The following RET variants were observed in gnomAD, a reference collection of about 807,000 sequenced individuals.
RET encodes the protein proto-oncogene tyrosine-protein kinase receptor Ret.
Under a neutral mutation model 118.3 loss-of-function variants are expected in RET, and 19 were observed. That is an observed-to-expected ratio of 0.16 (90% CI 0.11 to 0.24). The LOEUF (loss-of-function observed/expected upper bound fraction) is 0.24, where lower values mean the gene tolerates loss of function less well. Ranked by LOEUF, RET falls within the 10% of genes least tolerant of loss-of-function variation. The pLI is 1.00. For synonymous variants in RET, 597 were observed against 644.1 expected, an observed-to-expected ratio of 0.93 and a Z score of 1.11; for missense variants, 1,219 against 1,502.1, an observed-to-expected ratio of 0.81 and a Z score of 3.12.
chr10:43,108,717 T>TA (rs1357451893), intron 5 of RET, among the ~76,000 whole-genome samples: 3 of 152,074 alleles, frequency 2.0e-5, no homozygotes, highest in Non-Finnish European at 4.4e-5. Context: ...ACTACACACT[T>TA]ACACATACCA....
intron 5 of RET, among the ~76,000 whole-genome samples, chr10:43,108,529 C>T (rs1837836418): frequency 6.6e-6 from 1 of 152,176 alleles, no homozygotes; most frequent in African/African-American, 2.4e-5. Context: ...TCCACCCTGC[C>T]TTCCTGTCAT....
rs1306975304 is a variant in RET, at chr10:43,119,726, A to G, written c.2588A>G (p.Gln863Arg). The G allele has an allele frequency of 6.2e-7, 1 of 1,613,412 alleles. No individual in the cohort carries two copies. Among genetic ancestry groups the G allele is most frequent in the South Asian group, 1.1e-5 (1 of 91,082 alleles). Residue 863 changes from glutamine (Q) to arginine (R), a missense_variant, in exon 14 of 20, where the codon CAG becomes CGG. Gln to Arg is a conservative substitution (Grantham distance 43, BLOSUM62 1). Coordinates refer to ENST00000355710, the MANE Select transcript of RET (RefSeq NM_020975.6). Reference sequence around the variant, plus strand: ...GCCTGGCAGATCTCACAGGGGATGCAGTATCTGGCCGAGATGAAGGTGCGT... The same window carrying G: ...GCCTGGCAGATCTCACAGGGGATGCGGTATCTGGCCGAGATGAAGGTGCGT... ...SFAWQISQGM[Q>R]YLAEMKLVHR...
intron 7 of RET, 74 bp from the exon 8 acceptor site, chr10:43,112,025 C>T (rs2132793498): frequency 6.5e-7 from 1 of 1,544,392 alleles, no homozygotes. Context: ...TGGTGCTGTT[C>T]CCTGTCCTTG....
chr10:43,111,963 C>G (rs1385760423), intron 7 of RET, 136 bp from the exon 8 acceptor site: 2 of 1,270,402 alleles, frequency 1.6e-6, no homozygotes, highest in Non-Finnish European at 2.2e-6. Context: ...GTCTTTGCTG[C>G]CCTGGGTCTG....
At position 43,123,818 on chromosome 10, in the gene RET, G is replaced by A; in HGVS notation, c.2939+10G>A. 1 of 1,613,984 alleles carries A rather than the reference G, an allele frequency of 6.2e-7. No homozygotes were observed. The highest frequency in any genetic ancestry group is 1.1e-5 in the South Asian group (1 of 91,076). ...ACTGCAGCGAGGAGATGTGAGCGGG[G>A]ACTGGCTTTGGCCCAGCCTCACTTG... On this transcript the variant is annotated intron_variant, in intron 17 of 19. Coordinates refer to ENST00000355710, the MANE Select transcript of RET (RefSeq NM_020975.6).
chr10:43,092,067 C>T lies in RET; in HGVS notation c.74-8392C>T, dbSNP rs189048188. ...TTTCAGCAGCATTATTCATAGTAAC[C>T]ACAAAGAGGAAGTTACCCAAGTGTC... On this transcript the variant is annotated intron_variant, in intron 1 of 19. Transcript: ENST00000355710. Among the ~76,000 whole-genome samples the T allele has an allele frequency of 1.1e-4, 17 of 152,264 alleles. No individual in the cohort carries two copies. The South Asian group carries it at 2.7e-3, about 24-fold the overall frequency.
chr10:43,086,973 C>G (rs1369472813), intron 1 of RET, among the ~76,000 whole-genome samples: 2 of 152,242 alleles, frequency 1.3e-5, no homozygotes, highest in Non-Finnish European at 2.9e-5. Flanking sequence ...ATGCCTGGAC[C>G]CCTTCCCCAC....
chr10:43,078,286 G>A (rs1837096681), intron 1 of RET, among the ~76,000 whole-genome samples: 2 of 152,188 alleles, frequency 1.3e-5, no homozygotes, highest in South Asian at 4.1e-4. Flanking sequence ...CTCTAAGAGG[G>A]AAGGAGCCCT....
chr10:43,092,311 G>A (rs373171057), intron 1 of RET, among the ~76,000 whole-genome samples: 1 of 152,186 alleles, frequency 6.6e-6, no homozygotes, highest in Admixed American at 6.5e-5. Flanking sequence ...CAGGAACTGG[G>A]AGAGGAGAGG....
chr10:43,102,683 C>A (rs1352515531), intron 3 of RET, 54 bp downstream of exon 3: 7 of 1,604,998 alleles, frequency 4.4e-6, no homozygotes, highest in Non-Finnish European at 6.0e-6. Context: ...GCTGGTCTTG[C>A]TCTGCGAGCC....
At position 43,124,930 on chromosome 10, in the gene RET, C is replaced by T. The variant is rs1588880114; in HGVS notation, c.2987C>T (p.Pro996Leu). ...TGGAAGCAGGAGCCGGACAAAAGGC[C>T]GGTGTTTGCGGACATCAGCAAAGAC... ...QCWKQEPDKRPVFADISKDLE... is the reference protein window; with the variant it reads ...QCWKQEPDKRLVFADISKDLE... Residue 996 changes from proline to leucine, a missense_variant, in exon 18 of 20, where the codon CCG (proline) becomes CTG (leucine). Physicochemically the swap from Pro to Leu is moderately conservative, Grantham distance 98. Coordinates refer to ENST00000355710, the MANE Select transcript of RET (RefSeq NM_020975.6). 6.2e-7 allele frequency: 1 copy of T among 1,614,178 alleles called. No individual in the cohort carries two copies.
chr10:43,084,694 A>T (rs1837253340), intron 1 of RET, among the ~76,000 whole-genome samples: 1 of 152,154 alleles, frequency 6.6e-6, no homozygotes, highest in Admixed American at 6.5e-5. Context: ...CTGATTCCTC[A>T]CATGGGCATT....
intron 9 of RET, among the ~76,000 whole-genome samples, chr10:43,113,208 T>A (rs907199445): frequency 6.6e-6 from 1 of 152,026 alleles, no homozygotes; most frequent in African/African-American, 2.4e-5. Flanking sequence ...ACACACAGAT[T>A]TCAGAAGCAG....
intron 6 of RET, among the ~76,000 whole-genome samples, chr10:43,110,847 G>A (rs966859920): frequency 4.6e-5 from 7 of 152,278 alleles, no homozygotes; most frequent in Middle Eastern, 3.4e-3. Flanking sequence ...GAGACATTCC[G>A]GCGGCTTTGT....
chr10:43,116,709 G>A lies in RET; in HGVS notation c.2262G>A (p.Thr754=), dbSNP rs779080598. ...TGAAAGGCAGAGCAGGGTACACCAC[G>A]GTGGCCGTGAAGATGCTGAAAGGTA... ...FHLKGRAGYT[T]VAVKMLKENA... Residue 754 remains threonine, a synonymous_variant, in exon 12 of 20, where the codon ACG becomes ACA. Transcript: ENST00000355710. 1.2e-5 allele frequency: 20 copies of A among 1,613,492 alleles called. No individual in the cohort carries two copies. Among genetic ancestry groups the A allele is most frequent in the East Asian group, 1.1e-4 (5 of 44,860 alleles).
chr10:43,121,129 G>A (rs1838208764), intron 15 of RET, among the ~76,000 whole-genome samples: 1 of 152,200 alleles, frequency 6.6e-6, no homozygotes, highest in African/African-American at 2.4e-5. Flanking sequence ...TGTGGAGGGT[G>A]TGGACAGAGC....
intron 16 of RET, among the ~76,000 whole-genome samples, chr10:43,122,965 C>T (rs1031021040): frequency 1.1e-4 from 17 of 152,168 alleles, no homozygotes; most frequent in African/African-American, 4.1e-4. Flanking sequence ...CAACAGCTTT[C>T]CGATTATATA....
rs1210305963 is a variant in RET, at chr10:43,106,441, G to A, written c.933G>A (p.Val311=). ...TGGTACCTGCATCAGGGGAGCTGGT[G>A]AGGCGGTACACAAGCACGCTGCTCC... ...ADVVPASGEL[V]RRYTSTLLPG... Residue 311 remains valine, a synonymous_variant, in exon 5 of 20, where the codon GTG becomes GTA. Transcript: ENST00000355710. The surrounding 1 kb of genome is among the most constrained non-coding windows in gnomAD (Gnocchi z 5.1). 2 of 1,613,446 alleles carry A rather than the reference G, an allele frequency of 1.2e-6. No individual in the cohort carries two copies. The highest frequency in any genetic ancestry group is 2.2e-5 in the East Asian group (1 of 44,878).
At position 43,128,123 on chromosome 10, in the gene RET, C is replaced by T. The variant is rs775583354; in HGVS notation, c.3199C>T (p.Pro1067Ser). 5.0e-6 allele frequency: 8 copies of T among 1,613,994 alleles called. No homozygotes were observed. In the African/African-American group the frequency reaches 9.3e-5, roughly 19 times the overall value. ...GTTTTCATTTTTAGGCATGTCAGACCCGAACTGGCCTGGAGAGAGTCCTGT... is the reference window on the plus strand; with the variant it reads ...GTTTTCATTTTTAGGCATGTCAGACTCGAACTGGCCTGGAGAGAGTCCTGT... ...IENKLYGMSD[P>S]NWPGESPVPL... Residue 1067 changes from proline to serine, a missense_variant, in exon 20 of 20, where the codon CCG becomes TCG. By Grantham distance (74) the Pro-to-Ser change is moderately conservative. Around this residue, in one of 5 missense-constraint regions of RET, gnomAD observed 174 missense variants for 179.3 expected, o/e 0.97. Transcript: ENST00000355710.
Sources: allele counts gnomAD v4.1 joint callset (sites outside exome capture counted in the v4.1 genomes callset), GRCh38; gene constraint gnomAD v4.1.1; regional missense constraint gnomAD v4.1.1; non-coding constraint Gnocchi (gnomAD v3.1); transcripts MANE v1.5; gene names NCBI Gene and HGNC (gene_info 2026-07-23, HGNC 2026-07-21).